Variants in MIB2 observed in about 807,000 individuals in gnomAD.
The protein encoded by MIB2 is E3 ubiquitin-protein ligase MIB2.
MIB2 carries 78 observed loss-of-function variants against 96.6 expected under a neutral mutation model. That is an observed-to-expected ratio of 0.81 (90% CI 0.67 to 0.97). The LOEUF is 0.97. MIB2 is among the 50% of genes least tolerant of loss of function. The probability of loss-of-function intolerance (pLI) is 0.00; values close to 1 mark genes in which losing one functional copy is unlikely to be tolerated. For synonymous variants in MIB2, 820 were observed against 629.5 expected (o/e 1.30, Z -4.53); for missense variants, 1,543 against 1,424.0 (o/e 1.08, Z -1.35).
In MIB2 at chr1:1,626,315, C is replaced by G. The variant is rs1569810310; in HGVS notation, c.973-335C>G. 2 of 381,478 alleles carry G rather than the reference C, an allele frequency of 5.2e-6. No individual in the cohort carries two copies. Among genetic ancestry groups the G allele is most frequent in the East Asian group, 9.1e-5 (2 of 21,998 alleles). 23.6% of individuals were successfully genotyped at this position (381,478 alleles called of 1,614,324 possible). A position where few individuals can be genotyped will look rare whatever the true frequency, so the allele number is the denominator to read the frequency against. ...CCCCATGGTCCTGGGGCCCCACCCCCACGCTGGCTCACGGGCCCTGGCCAT... is the reference window on the plus strand; with the variant it reads ...CCCCATGGTCCTGGGGCCCCACCCCGACGCTGGCTCACGGGCCCTGGCCAT... On this transcript the variant is annotated intron_variant, in intron 8 of 19. Transcript: ENST00000355826. The surrounding 1 kb of genome is among the most constrained non-coding windows in gnomAD (Gnocchi z 5.3).
At chr1:1,615,979 C>T (rs1204768541) in intron 1 of MIB2, 2 of 985,264 alleles carry the variant, frequency 2.0e-6, no homozygotes, top group Admixed American at 6.2e-5. Context: ...CGCCGCTGAG[C>T]AGTCGGGGCC....
intron 1 of MIB2, 29 bp downstream of exon 1, chr1:1,615,662 G>A (rs1643541629): frequency 6.4e-7 from 1 of 1,558,714 alleles, no homozygotes; most frequent in African/African-American, 1.4e-5. Context: ...CTCCTCCCCT[G>A]GTCCTCCGCA....
chr1:1,618,067 C>G (rs1240390161), intron 2 of MIB2: 2 of 152,346 alleles, frequency 1.3e-5, no homozygotes, highest in South Asian at 2.1e-4. Context: ...CAGCTCTGGT[C>G]TGCTGGTCTG....
intron 2 of MIB2, 89 bp downstream of exon 2, chr1:1,616,703 TTG>T: frequency 9.4e-7 from 1 of 1,066,436 alleles, no homozygotes; most frequent in Non-Finnish European, 1.4e-6. Context: ...GAGGCTGTGT[TTG>T]TGTCTGAGCA....
chr1:1,627,947 G>A, intron 13 of MIB2, 72 bp from the exon 14 acceptor site: 1 of 1,605,292 alleles, frequency 6.2e-7, no homozygotes, highest in African/African-American at 1.3e-5. Context: ...CGTGAGTGCT[G>A]CTCCCTGGGT....
chr1:1,625,576 A>G lies in MIB2; in HGVS notation c.895A>G (p.Ile299Val), dbSNP rs766322257. The G allele has an allele frequency of 4.4e-6, 7 of 1,585,154 alleles. No homozygotes were observed. The highest frequency in any genetic ancestry group is 1.7e-4 in the Middle Eastern group (1 of 6,044). The stretch of plus-strand genomic sequence containing the variant: ...CGGACAGACGGGCACCGTGCATCGT[A>G]TCACGGACCGCGGGGACGTGCGCGT... ...FIGQTGTVHR[I>V]TDRGDVRVQF... Residue 299 changes from isoleucine (I) to valine (V), a missense_variant, in exon 8 of 20, where the codon ATC becomes GTC. Coordinates refer to ENST00000355826, the MANE Select transcript of MIB2 (RefSeq NM_001170687.4). The surrounding 1 kb of genome is among the most constrained non-coding windows in gnomAD (Gnocchi z 5.0).
Position 1,626,653 on chromosome 1 carries a change from C to T in MIB2, c.976C>T (p.His326Tyr), listed in dbSNP as rs1644797621. The T allele has an allele frequency of 6.4e-7, 1 of 1,569,216 alleles. No individual in the cohort carries two copies. The highest frequency in any genetic ancestry group is 1.8e-5 in the Admixed American group (1 of 54,338). Residue 326 changes from histidine to tyrosine, a missense_variant, in exon 9 of 20, where the codon CAC (histidine) becomes TAC (tyrosine). Coordinates refer to ENST00000355826, the MANE Select transcript of MIB2 (RefSeq NM_001170687.4). The surrounding 1 kb of genome is among the most constrained non-coding windows in gnomAD (Gnocchi z 5.3). Reference sequence around the variant, plus strand: ...CACGCCCCTCTTTGTCGCTCAGCACCACTCCTTCTGGGTGGGCGACGTGGT... The same window carrying T: ...CACGCCCCTCTTTGTCGCTCAGCACTACTCCTTCTGGGTGGGCGACGTGGT... ...TFHPGALTKH[H>Y]SFWVGDVVRV...
At chr1:1,623,725 G>A (rs1046492657) in intron 3 of MIB2, 26 bp downstream of exon 3, 27 of 1,537,268 alleles carry the variant, frequency 1.8e-5, no homozygotes, top group Non-Finnish European at 2.0e-5. Flanking sequence ...AGGCGGGACG[G>A]GCAGGACCCG....
rs1321492880 is a variant in MIB2 at position 1,628,749 on chromosome 1, G to C, written c.2202+27G>C. On this transcript the variant is annotated intron_variant, in intron 16 of 19. Transcript: ENST00000355826. ...TGAGGAAGTGTGGCGTGGGGTGCTG[G>C]AGAGGCTGCGGTGGCGCCGGCAGCA... The C allele has an allele frequency of 2.7e-6, 4 of 1,477,378 alleles. No homozygotes were observed. The East Asian group carries it at 7.4e-5, about 27-fold the overall frequency. The allele number at this position is 1,477,378 out of a possible 1,614,324, so 91.5% of individuals were successfully genotyped here. A position where few individuals can be genotyped will look rare whatever the true frequency, so the allele number is the denominator to read the frequency against.
intron 1 of MIB2, 120 bp from the exon 2 acceptor site, chr1:1,616,388 G>A (rs1294781383): frequency 1.5e-5 from 11 of 725,332 alleles, no homozygotes; most frequent in Non-Finnish European, 2.1e-5. Context: ...GCGGCCCTGA[G>A]TGTCGCGGCC....
At chr1:1,615,173 T>C (rs1040911381), upstream of MIB2, 3 of 448,538 alleles carry the variant, frequency 6.7e-6, no homozygotes, top group African/African-American at 4.2e-5. Flanking sequence ...TTTCTCGCTG[T>C]GTCCAGGTCT....
At position 1,629,430 on chromosome 1, in the gene MIB2, G is replaced by A. The variant is rs1041269336; in HGVS notation, c.2427G>A (p.Thr809=). Residue 809 remains threonine (T), a synonymous_variant, in exon 18 of 20, where the codon ACG becomes ACA. Transcript: ENST00000355826. ...GGGAAPGPRQ[T]LGTPNTVTNL... Reference sequence around the variant, plus strand: ...GCGCGGCCCCGGGCCCCAGGCAAACGCTCGGGACCCCCAACACCGTGACGA... The same window carrying A: ...GCGCGGCCCCGGGCCCCAGGCAAACACTCGGGACCCCCAACACCGTGACGA... The A allele has an allele frequency of 1.4e-6, 2 of 1,427,030 alleles. No individual in the cohort carries two copies. Among genetic ancestry groups the A allele is most frequent in the South Asian group, 1.3e-5 (1 of 78,976 alleles). 88.4% of individuals were successfully genotyped at this position (1,427,030 alleles called of 1,614,324 possible).
At chr1:1,615,469 G>T, upstream of MIB2, 1 of 1,518,932 alleles carries the variant, frequency 6.6e-7, no homozygotes, top group Middle Eastern at 2.2e-4. Context: ...CATGGCGGGG[G>T]CGCTCCGGCG....
chr1:1,625,444 G>T lies in MIB2; in HGVS notation c.864+16G>T, dbSNP rs1233964629. The T allele has an allele frequency of 9.6e-6, 15 of 1,562,888 alleles. No homozygotes were observed. Among genetic ancestry groups the T allele is most frequent in the African/African-American group, 1.4e-5 (1 of 73,588 alleles). ...GATGGCGGAGGTGAGCCGCCCCGCC[G>T]TGGAGCCCTGTGTGCCCTGCCCTCC... On this transcript the variant is annotated intron_variant, in intron 7 of 19. Coordinates refer to ENST00000355826, the MANE Select transcript of MIB2 (RefSeq NM_001170687.4). This position sits in a 1 kb window ranked among gnomAD's most constrained non-coding sequence, Gnocchi z 5.0.
rs762603644 is a variant in MIB2 at position 1,623,789 on chromosome 1, A to G, written c.263A>G (p.Asn88Ser). 1.1e-5 allele frequency: 18 copies of G among 1,605,232 alleles called. No individual in the cohort carries two copies. The African/African-American group carries it at 1.2e-4, about 11-fold the overall frequency. Residue 88 changes from asparagine (N) to serine (S), a missense_variant, in exon 4 of 20, where the codon AAC becomes AGC. Coordinates refer to ENST00000355826, the MANE Select transcript of MIB2 (RefSeq NM_001170687.4). ...DNAQIGVRHP[N>S]IICDCCKKHG... is the part of the protein sequence containing the mutation. The stretch of plus-strand genomic sequence containing the variant: ...CCACCCCCAGGCGTCCGGCACCCCA[A>G]CATCATCTGTGACTGCTGCAAGAAG...
In MIB2 at chr1:1,630,461, CG is replaced by C; in HGVS notation, c.2801del (p.Gly934AlafsTer42). The C allele has an allele frequency of 6.3e-7, 1 of 1,593,544 alleles. No homozygotes were observed. The highest frequency in any genetic ancestry group is 8.5e-7 in the Non-Finnish European group (1 of 1,173,656). ...GCGGCCACGGCGCATGCGCCCCCTG[CG>C]GCTCCGCGCTCAGCGCCTGCCCCAT... is the stretch of plus-strand genomic sequence containing the variant. ...QCGHGACAPC[G>X]SALSACPICR... On this transcript the variant is annotated frameshift_variant, in exon 20 of 20. Transcript: ENST00000355826. LOFTEE classifies it high-confidence loss of function.
Position 1,615,511 on chromosome 1 carries a change from C to T in MIB2, c.-252C>T, listed in dbSNP as rs1026858734. On this transcript the variant is annotated 5_prime_UTR_variant, in exon 1 of 20. Transcript: ENST00000355826. ...GGCCCTGGGCTCCCGCCCTTCGGGT[C>T]CCACAGTTTCCAGCCGCCGCTCTCC... 15 of 1,529,628 alleles carry T rather than the reference C, an allele frequency of 9.8e-6. No homozygotes were observed. The highest frequency in any genetic ancestry group is 2.8e-5 in the African/African-American group (2 of 71,700). The allele number at this position is 1,529,628 out of a possible 1,614,324, so 94.8% of individuals were successfully genotyped here.
In MIB2 at chr1:1,626,313, C is replaced by G; in HGVS notation, c.973-337C>G. The G allele has an allele frequency of 2.6e-6, 1 of 378,068 alleles. No homozygotes were observed. The highest frequency in any genetic ancestry group is 7.3e-4 in the Middle Eastern group (1 of 1,372). The allele number at this position is 378,068 out of a possible 1,614,324, so 23.4% of individuals were successfully genotyped here. On this transcript the variant is annotated intron_variant, in intron 8 of 19. Transcript: ENST00000355826. This position sits in a 1 kb window ranked among gnomAD's most constrained non-coding sequence, Gnocchi z 5.3. ...CACCCCATGGTCCTGGGGCCCCACC[C>G]CCACGCTGGCTCACGGGCCCTGGCC...
Position 1,626,981 on chromosome 1 carries a change from C to T in MIB2, c.1222C>T (p.Arg408Cys), listed in dbSNP as rs776765127. The T allele has an allele frequency of 4.3e-6, 7 of 1,611,248 alleles. No homozygotes were observed. The highest frequency in any genetic ancestry group is 1.7e-4 in the Middle Eastern group (1 of 6,056). Reference sequence around the variant, plus strand: ...GGATGCCAACCTGGACGTGGCCGAGCGCGCCCGGGAGAACAAAAGTGCGGC... The same window carrying T: ...GGATGCCAACCTGGACGTGGCCGAGTGCGCCCGGGAGAACAAAAGTGCGGC... Reference protein sequence around the residue: ...EEDANLDVAERARENKSSLSV... With the variant: ...EEDANLDVAECARENKSSLSV... The change falls in exon 10 of 20, where the codon CGC becomes TGC. Residue 408 changes from arginine to cysteine, a missense_variant. Physicochemically the swap from Arg to Cys is radical, Grantham distance 180 (BLOSUM62 -3). Transcript: ENST00000355826. This position sits in a 1 kb window ranked among gnomAD's most constrained non-coding sequence, Gnocchi z 5.3.
Sources: gnomAD v4.1 joint callset for allele counts on GRCh38, gnomAD v4.1.1 for gene constraint, Gnocchi (gnomAD v3.1) non-coding constraint, MANE v1.5 for transcripts, NCBI Gene and HGNC (gene_info 2026-07-23, HGNC 2026-07-21) for gene names.